CNTNAP2: variants seen among roughly 807,000 people sequenced by gnomAD.
CNTNAP2 encodes the protein contactin associated protein 2.
CNTNAP2 carries 98 observed loss-of-function variants against 155.2 expected under a neutral mutation model. That is an observed-to-expected ratio of 0.63 (90% confidence interval 0.54 to 0.75). CNTNAP2 has a LOEUF of 0.75. CNTNAP2 is among the 30% of genes least tolerant of loss of function. CNTNAP2 has a pLI of 0.00. For missense variants in CNTNAP2, 1,727 were observed against 1,688.1 expected, an observed-to-expected ratio of 1.02 and a Z score of -0.40; for synonymous variants, 651 against 631.2, an observed-to-expected ratio of 1.03 and a Z score of -0.47.
intron 10 of CNTNAP2, among the ~76,000 whole-genome samples, chr7:147,433,084 A>T (rs1426466704): frequency 6.6e-6 from 1 of 152,212 alleles, no homozygotes; most frequent in East Asian, 1.9e-4. Context: ...AGCACAGGAC[A>T]TTTGAAATCA....
At chr7:146,857,500 C>A (rs995130800) in intron 3 of CNTNAP2, among the ~76,000 whole-genome samples, 1 of 152,128 alleles carries the variant, frequency 6.6e-6, no homozygotes, top group African/African-American at 2.4e-5. Context: ...TAATCTTAAA[C>A]CACTAATTGA....
intron 1 of CNTNAP2, among the ~76,000 whole-genome samples, chr7:146,284,908 A>G (rs943478859): frequency 6.6e-6 from 1 of 152,164 alleles, no homozygotes; most frequent in Non-Finnish European, 1.5e-5. Flanking sequence ...CCCACAGGCT[A>G]TGACTATGCT....
intron 15 of CNTNAP2, among the ~76,000 whole-genome samples, chr7:148,002,326 G>A (rs540050934): frequency 6.6e-6 from 1 of 152,024 alleles, no homozygotes; most frequent in African/African-American, 2.4e-5. Context: ...TTGATAGACT[G>A]AATATATATT....
intron 9 of CNTNAP2, among the ~76,000 whole-genome samples, chr7:147,340,601 C>G (rs1375871186): frequency 6.6e-6 from 1 of 152,102 alleles, no homozygotes; most frequent in Non-Finnish European, 1.5e-5. Context: ...CCTTGTCAAC[C>G]TCTAGCCATT....
At chr7:146,299,083 C>G (rs1312247587) in intron 1 of CNTNAP2, among the ~76,000 whole-genome samples, 1 of 151,922 alleles carries the variant, frequency 6.6e-6, no homozygotes. Flanking sequence ...ACCAGCCTGG[C>G]CAAGATGGTG....
At position 147,453,541 on chromosome 7, in the gene CNTNAP2, C is replaced by T. The variant is rs57762427; in HGVS notation, c.1671-32394C>T. The stretch of plus-strand genomic sequence containing the variant: ...ATTCTATAAATTATCACATTCAGTT[C>T]TCACAACTAACCATGTGAATTAGGC... On this transcript the variant is annotated intron_variant, in intron 10 of 23. Transcript: ENST00000361727. Among the ~76,000 whole-genome samples the T allele has an allele frequency of 5.2e-3, 788 of 152,262 alleles. 6 individuals carry two copies. Among genetic ancestry groups the T allele is most frequent in the African/African-American group, 0.018 (741 of 41,540 alleles).
At chr7:147,781,971 G>C (rs914674881) in intron 13 of CNTNAP2, among the ~76,000 whole-genome samples, 3 of 151,616 alleles carry the variant, frequency 2.0e-5, no homozygotes, top group African/African-American at 2.4e-5. Flanking sequence ...TGCAGTGAGC[G>C]GAGACAGCGC....
At chr7:148,039,300 G>C (rs575181335) in intron 15 of CNTNAP2, among the ~76,000 whole-genome samples, 2 of 152,092 alleles carry the variant, frequency 1.3e-5, no homozygotes, top group Non-Finnish European at 2.9e-5. Context: ...TCAGCGCTCT[G>C]GGAGAGACAA....
Position 146,128,830 on chromosome 7 carries a change from AT to A in CNTNAP2, c.97+11858del, listed in dbSNP as rs1797674456. Among the ~76,000 whole-genome samples the A allele has an allele frequency of 2.0e-5, 3 of 152,118 alleles. No homozygotes were observed. The South Asian group carries it at 6.2e-4, about 31-fold the overall frequency. On this transcript the variant is annotated intron_variant, in intron 1 of 23. Coordinates refer to ENST00000361727, the MANE Select transcript of CNTNAP2 (RefSeq NM_014141.6). Reference sequence around the variant, plus strand: ...TAAGAAGTATTATAATTGTAATATAATGTTAGTTGCAAACAAGTGTGTCTGT... The same window carrying A: ...TAAGAAGTATTATAATTGTAATATAAGTTAGTTGCAAACAAGTGTGTCTGT...
intron 22 of CNTNAP2, among the ~76,000 whole-genome samples, chr7:148,389,353 T>G (rs1202031449): frequency 6.6e-6 from 1 of 152,086 alleles, no homozygotes; most frequent in Non-Finnish European, 1.5e-5. Flanking sequence ...AAGGGGAGTT[T>G]CCCTGCACAA....
rs190146355 is a variant in CNTNAP2 at position 147,859,498 on chromosome 7, A to C, written c.2099-44067A>C. 2.0e-5 allele frequency among the ~76,000 whole-genome samples: 3 copies of C among 151,838 alleles called. No individual in the cohort carries two copies. In the East Asian group the frequency reaches 5.8e-4, roughly 30 times the overall value. ...GCAAGTTTGTAAGCTGTCTCACAAG[A>C]AGGTAGTATTTATTTTTTCCAAGGA... On this transcript the variant is annotated intron_variant, in intron 13 of 23. Coordinates refer to ENST00000361727, the MANE Select transcript of CNTNAP2 (RefSeq NM_014141.6).
At chr7:147,769,491 G>T (rs1797434592) in intron 13 of CNTNAP2, among the ~76,000 whole-genome samples, 1 of 152,088 alleles carries the variant, frequency 6.6e-6, no homozygotes, top group South Asian at 2.1e-4. Flanking sequence ...CAAAGAAAAA[G>T]CCAATATTTG....
chr7:147,486,021 G>C lies in CNTNAP2; in HGVS notation c.1757G>C (p.Ser586Thr), dbSNP rs1554490567. 1 of 1,613,910 alleles carries C rather than the reference G, an allele frequency of 6.2e-7. No individual in the cohort carries two copies. The highest frequency in any genetic ancestry group is 8.5e-7 in the Non-Finnish European group (1 of 1,179,940). The part of the protein sequence containing the change: ...FKCTCDETGY[S>T]GATCHNSIYE... ...TGCACTTGTGATGAGACAGGATACA[G>C]TGGGGCCACCTGCCACAACTGTGAG... is the stretch of plus-strand genomic sequence containing the variant. The change falls in exon 11 of 24, where the codon AGT becomes ACT. Residue 586 changes from serine (S) to threonine (T), a missense_variant. Ser to Thr is a moderately conservative substitution (Grantham distance 58, BLOSUM62 1). Transcript: ENST00000361727.
chr7:148,380,983 C>CACTT (rs1215211118), intron 21 of CNTNAP2, among the ~76,000 whole-genome samples: 2 of 152,230 alleles, frequency 1.3e-5, no homozygotes, highest in Non-Finnish European at 2.9e-5. Context: ...ACCAGCCAGC[C>CACTT]ACTTAGGTAC....
At chr7:147,033,190 A>ATATATATATATATATATATG (rs1554427723) in intron 3 of CNTNAP2, among the ~76,000 whole-genome samples, 4 of 92,476 alleles carry the variant, frequency 4.3e-5, no homozygotes, top group Non-Finnish European at 6.8e-5. Context: ...ATATATATAT[A>ATATATATATATATATATATG]TATATATATA....
chr7:147,272,383 T>C (rs1804771850), intron 8 of CNTNAP2, among the ~76,000 whole-genome samples: 1 of 152,194 alleles, frequency 6.6e-6, no homozygotes. Context: ...AAGTAAGCAC[T>C]AGAGCACAAG....
chr7:147,952,482 A>T (rs1800952772), intron 14 of CNTNAP2, among the ~76,000 whole-genome samples: 1 of 151,970 alleles, frequency 6.6e-6, no homozygotes, highest in Non-Finnish European at 1.5e-5. Context: ...TCTCCTTTTC[A>T]TTATTTATAG....
chr7:147,047,423 C>A (rs958350651), intron 4 of CNTNAP2, among the ~76,000 whole-genome samples: 1 of 151,684 alleles, frequency 6.6e-6, no homozygotes, highest in East Asian at 1.9e-4. Flanking sequence ...CATACGTATA[C>A]CTTTTTTTTA....
intron 9 of CNTNAP2, among the ~76,000 whole-genome samples, chr7:147,351,777 G>C (rs1177533782): frequency 6.6e-6 from 1 of 151,828 alleles, no homozygotes; most frequent in African/African-American, 2.4e-5. Context: ...TAAAAGGAAA[G>C]CTTCAAAGCT....
Sources: allele counts gnomAD v4.1 joint callset (sites outside exome capture counted in the v4.1 genomes callset), GRCh38; gene constraint gnomAD v4.1.1; transcripts MANE v1.5; gene names NCBI Gene and HGNC (gene_info 2026-07-23, HGNC 2026-07-21).